DAB1: variants seen among roughly 807,000 people sequenced by gnomAD.
The protein encoded by DAB1 is DAB adaptor protein 1.
In DAB1, 15 loss-of-function variants were observed where a neutral mutation model predicts 64.6. The ratio of observed to expected loss-of-function variants is 0.23; its 90% CI spans 0.16 to 0.36. The LOEUF is 0.36. DAB1 is among the 10% of genes least tolerant of loss of function. DAB1 has a pLI of 1.00. For synonymous variants in DAB1, 235 were observed against 251.9 expected (o/e 0.93, Z 0.64); for missense variants, 596 against 706.7 (o/e 0.84, Z 1.78).
chr1:58,315,256 G>T (rs561973807), intron 4 of DAB1, among the ~76,000 whole-genome samples: 1 of 152,270 alleles, frequency 6.6e-6, no homozygotes, highest in African/African-American at 2.4e-5. Flanking sequence ...AGCACATACT[G>T]GCAGTAGGAC....
chr1:58,238,078 T>G (rs1660129155), intron 4 of DAB1, among the ~76,000 whole-genome samples: 2 of 152,230 alleles, frequency 1.3e-5, no homozygotes, highest in Non-Finnish European at 2.9e-5. Flanking sequence ...AATTCATTAT[T>G]GTATTCATTT....
chr1:57,606,028 A>G, intron 7 of DAB1: 2 of 646,616 alleles, frequency 3.1e-6, no homozygotes, highest in Non-Finnish European at 2.9e-6. Context: ...GATTCTCAGA[A>G]TCTTGGTAGG....
intron 6 of DAB1, among the ~76,000 whole-genome samples, chr1:57,696,471 G>C (rs1646847335): frequency 6.6e-6 from 1 of 152,148 alleles, no homozygotes; most frequent in Middle Eastern, 3.2e-3. Context: ...AAAGAGGTTT[G>C]GGACGATCAC....
intron 2 of DAB1, among the ~76,000 whole-genome samples, chr1:57,224,932 T>A (rs886960838): frequency 6.6e-6 from 1 of 152,174 alleles, no homozygotes; most frequent in African/African-American, 2.4e-5. Context: ...TCAGTGGGCC[T>A]ACATTAAAAC....
intron 4 of DAB1, among the ~76,000 whole-genome samples, chr1:58,169,956 C>T (rs1022558608): frequency 1.3e-5 from 2 of 152,168 alleles, no homozygotes; most frequent in Non-Finnish European, 2.9e-5. Context: ...CTGATAGGTA[C>T]ATAGATGTCC....
chr1:58,340,214 G>T (rs1442633664), intron 4 of DAB1, among the ~76,000 whole-genome samples: 2 of 152,130 alleles, frequency 1.3e-5, no homozygotes, highest in Non-Finnish European at 2.9e-5. Context: ...TCCTGCTATA[G>T]CGGTTTTCTT....
chr1:57,780,759 T>C (rs1318973317), intron 6 of DAB1, among the ~76,000 whole-genome samples: 1 of 151,530 alleles, frequency 6.6e-6, no homozygotes, highest in Non-Finnish European at 1.5e-5. Flanking sequence ...TTTTTCTTTT[T>C]TCTTTTTTTT....
At chr1:57,492,031 GAGA>G (rs1261654805) in intron 7 of DAB1, among the ~76,000 whole-genome samples, 2 of 152,188 alleles carry the variant, frequency 1.3e-5, no homozygotes, top group South Asian at 2.1e-4. Context: ...AAAGAAATAA[GAGA>G]AGAAGAAGAA....
intron 7 of DAB1, among the ~76,000 whole-genome samples, chr1:57,646,740 C>A (rs1168032132): frequency 6.6e-6 from 1 of 152,078 alleles, no homozygotes; most frequent in South Asian, 2.1e-4. Flanking sequence ...CAGAGCGAGA[C>A]CCCATCTCAA....
At chr1:57,864,736 G>T (rs893522278) in intron 1 of DAB1, 2 of 150,994 alleles carry the variant, frequency 1.3e-5, no homozygotes, top group African/African-American at 4.9e-5. Flanking sequence ...TGCCCAGGCT[G>T]GTATCGAACT....
At chr1:58,260,604 GC>G (rs1661027032) in intron 4 of DAB1, among the ~76,000 whole-genome samples, 1 of 152,156 alleles carries the variant, frequency 6.6e-6, no homozygotes, top group Non-Finnish European at 1.5e-5. Context: ...TCTCCAGCCG[GC>G]ACACTCAGTC....
chr1:58,257,436 TTAA>T (rs1351610509), intron 4 of DAB1, among the ~76,000 whole-genome samples: 1 of 152,164 alleles, frequency 6.6e-6, no homozygotes, highest in Non-Finnish European at 1.5e-5. Flanking sequence ...CATGCAGGTG[TTAA>T]CACCTTTTTT....
intron 7 of DAB1, among the ~76,000 whole-genome samples, chr1:57,457,513 A>G (rs1686642230): frequency 6.6e-6 from 1 of 152,216 alleles, no homozygotes; most frequent in Non-Finnish European, 1.5e-5. Flanking sequence ...ATCTGCTGCT[A>G]GATCTCTATT....
At chr1:58,226,061 C>G (rs939493364) in intron 4 of DAB1, among the ~76,000 whole-genome samples, 2 of 151,810 alleles carry the variant, frequency 1.3e-5, no homozygotes, top group East Asian at 3.9e-4. Context: ...TCATCTCCAG[C>G]TCTTAATTGT....
chr1:57,012,532 T>C (rs1646296225), intron 12 of DAB1, among the ~76,000 whole-genome samples: 1 of 152,198 alleles, frequency 6.6e-6, no homozygotes, highest in South Asian at 2.1e-4. Flanking sequence ...CTATTTGAGG[T>C]TCACTTTTGA....
intron 7 of DAB1, among the ~76,000 whole-genome samples, chr1:57,635,960 G>A (rs750546026): frequency 3.9e-5 from 6 of 152,018 alleles, no homozygotes; most frequent in East Asian, 1.9e-4. Context: ...AGCCAGGCGC[G>A]GTGGCGGGCG....
chr1:57,469,087 G>A (rs1049669934), intron 7 of DAB1, among the ~76,000 whole-genome samples: 3 of 152,200 alleles, frequency 2.0e-5, no homozygotes, highest in African/African-American at 4.8e-5. Context: ...TGAAAGTCTG[G>A]TATTTTCTGG....
intron 4 of DAB1, among the ~76,000 whole-genome samples, chr1:57,112,580 C>T (rs1655765456): frequency 6.6e-6 from 1 of 152,096 alleles, no homozygotes; most frequent in Non-Finnish European, 1.5e-5. Context: ...TCTCCAGTTT[C>T]CTGTAAACTC....
intron 4 of DAB1, among the ~76,000 whole-genome samples, chr1:58,205,245 T>G (rs1375816952): frequency 1.0e-5 from 1 of 100,450 alleles, no homozygotes; most frequent in African/African-American, 3.5e-5. Flanking sequence ...CAAGACTTAT[T>G]TTTTTTCTCT....
Sources: allele counts gnomAD v4.1 joint callset (sites outside exome capture counted in the v4.1 genomes callset), GRCh38; gene constraint gnomAD v4.1.1; transcripts MANE v1.5; gene names NCBI Gene and HGNC (gene_info 2026-07-23, HGNC 2026-07-21).